KDM4C: variants seen among roughly 807,000 people sequenced by gnomAD.
The protein encoded by KDM4C is lysine demethylase 4C.
In KDM4C, 81 loss-of-function variants were observed where a neutral mutation model predicts 129.3. That is an observed-to-expected ratio of 0.63 (90% CI 0.52 to 0.75). KDM4C has a LOEUF of 0.75. KDM4C is among the 30% of genes least tolerant of loss of function. KDM4C has a pLI of 0.00. For synonymous variants in KDM4C, 573 were observed against 456.1 expected, an observed-to-expected ratio of 1.26 and a Z score of -3.26; for missense variants, 1,457 against 1,304.0, an observed-to-expected ratio of 1.12 and a Z score of -1.81.
intron 8 of KDM4C, among the ~76,000 whole-genome samples, chr9:6,976,027 GA>G (rs1832857050): frequency 6.6e-6 from 1 of 152,172 alleles, no homozygotes; most frequent in Non-Finnish European, 1.5e-5. Context: ...GACAAAGTGA[GA>G]CCTTGTCTCA....
intron 8 of KDM4C, among the ~76,000 whole-genome samples, chr9:6,916,240 G>A (rs907826361): frequency 4.6e-5 from 2 of 43,432 alleles, no homozygotes; most frequent in Non-Finnish European, 9.8e-5. Context: ...AGAGTTATCC[G>A]GACCTTTTTT....
At chr9:7,071,142 A>G (rs1833137304) in intron 17 of KDM4C, among the ~76,000 whole-genome samples, 1 of 152,186 alleles carries the variant, frequency 6.6e-6, no homozygotes, top group South Asian at 2.1e-4. Context: ...AAACTATAAA[A>G]CGCTAATAAA....
rs1464738495 is a variant in KDM4C, at chr9:6,752,251, T to G, written c.49+31254T>G. On this transcript the variant is annotated intron_variant, in intron 1 of 17. Transcript: ENST00000536108. ...GGGAGGCTGAGGCAGGAGAATGGCGTGAACCCGGGAGGCGGAGCTTGCAGT... is the reference window on the plus strand; with the variant it reads ...GGGAGGCTGAGGCAGGAGAATGGCGGGAACCCGGGAGGCGGAGCTTGCAGT... Among the ~76,000 whole-genome samples the G allele has an allele frequency of 3.9e-5, 5 of 127,888 alleles. 1 individual carries two copies. The highest frequency in any genetic ancestry group is 1.5e-4 in the African/African-American group (5 of 32,604). The allele number at this position is 127,888 out of a possible 152,430, so 83.9% of individuals were successfully genotyped here. A position where few individuals can be genotyped will look rare whatever the true frequency, so the allele number is the denominator to read the frequency against.
At chr9:6,833,730 A>G (rs1835332330) in intron 4 of KDM4C, among the ~76,000 whole-genome samples, 1 of 152,230 alleles carries the variant, frequency 6.6e-6, no homozygotes, top group Admixed American at 6.5e-5. Flanking sequence ...TGCAGGTGGC[A>G]GTACTAAAGC....
At chr9:7,103,184 A>G (rs1837297567) in intron 17 of KDM4C, among the ~76,000 whole-genome samples, 2 of 152,160 alleles carry the variant, frequency 1.3e-5, no homozygotes, top group African/African-American at 4.8e-5. Context: ...AACACTTTAC[A>G]TTTCCTTGTC....
chr9:7,027,595 C>G (rs1295203845), intron 15 of KDM4C, among the ~76,000 whole-genome samples: 1 of 152,138 alleles, frequency 6.6e-6, no homozygotes, highest in Non-Finnish European at 1.5e-5. Context: ...TACTTGGCTA[C>G]CAGATACTAT....
At chr9:6,911,135 T>C (rs534174633) in intron 8 of KDM4C, among the ~76,000 whole-genome samples, 1 of 152,216 alleles carries the variant, frequency 6.6e-6, no homozygotes, top group Non-Finnish European at 1.5e-5. Context: ...GATTATTTTT[T>C]TAAAAGGGCT....
At chr9:7,169,244 T>G (rs1844712554) in intron 20 of KDM4C, among the ~76,000 whole-genome samples, 1 of 152,210 alleles carries the variant, frequency 6.6e-6, no homozygotes, top group Admixed American at 6.5e-5. Context: ...TTGTTGTTGC[T>G]TCGCCAGATA....
intron 8 of KDM4C, among the ~76,000 whole-genome samples, chr9:6,905,444 T>C (rs1185017200): frequency 6.6e-6 from 1 of 152,236 alleles, no homozygotes; most frequent in Non-Finnish European, 1.5e-5. Context: ...TACTTAGGTA[T>C]ATGGTCATAA....
At chr9:7,001,249 T>C (rs1015242857) in intron 12 of KDM4C, among the ~76,000 whole-genome samples, 1 of 152,242 alleles carries the variant, frequency 6.6e-6, no homozygotes, top group Non-Finnish European at 1.5e-5. Flanking sequence ...TTGTTTTGTT[T>C]TACAGAGATT....
chr9:6,845,564 A>G (rs112363444), intron 4 of KDM4C, among the ~76,000 whole-genome samples: 1,611 of 152,252 alleles, frequency 0.011, 28 homozygotes, highest in African/African-American at 0.037. Context: ...GGAAGATACT[A>G]TCACTGATTG....
intron 17 of KDM4C, among the ~76,000 whole-genome samples, chr9:7,061,201 G>A (rs1831615134): frequency 6.6e-6 from 1 of 152,172 alleles, no homozygotes; most frequent in African/African-American, 2.4e-5. Flanking sequence ...TACATACAGT[G>A]GTTGGATAGG....
At chr9:6,905,839 G>C (rs1214348778) in intron 8 of KDM4C, among the ~76,000 whole-genome samples, 2 of 152,122 alleles carry the variant, frequency 1.3e-5, no homozygotes, top group Non-Finnish European at 2.9e-5. Context: ...AAAATGTGCT[G>C]AGCACAGATT....
intron 8 of KDM4C, among the ~76,000 whole-genome samples, chr9:6,961,062 A>G (rs1340120409): frequency 6.6e-6 from 1 of 152,234 alleles, no homozygotes; most frequent in African/African-American, 2.4e-5. Flanking sequence ...TCTTAGGCTG[A>G]CACTTAAACA....
intron 7 of KDM4C, among the ~76,000 whole-genome samples, chr9:6,891,703 T>G (rs1482035424): frequency 6.6e-6 from 1 of 152,154 alleles, no homozygotes; most frequent in Non-Finnish European, 1.5e-5. Context: ...TAAAATACTT[T>G]AAAAAACACT....
chr9:6,762,231 A>G (rs1431885684), intron 1 of KDM4C, among the ~76,000 whole-genome samples: 1 of 151,990 alleles, frequency 6.6e-6, no homozygotes, highest in East Asian at 1.9e-4. Flanking sequence ...TATTTCTCCT[A>G]ACACTATCCC....
At chr9:6,759,896 G>A (rs1819050103) in intron 1 of KDM4C, among the ~76,000 whole-genome samples, 1 of 149,422 alleles carries the variant, frequency 6.7e-6, no homozygotes, top group East Asian at 2.0e-4. Context: ...AGCCGAGATG[G>A]CACCACTGCA....
chr9:6,795,747 C>G (rs915534084), intron 2 of KDM4C, among the ~76,000 whole-genome samples: 6 of 151,642 alleles, frequency 4.0e-5, no homozygotes, highest in African/African-American at 1.5e-4. Context: ...TATTGGCTCA[C>G]TGCAGTCTGG....
chr9:6,932,395 A>G (rs958760024), intron 8 of KDM4C, among the ~76,000 whole-genome samples: 3 of 152,220 alleles, frequency 2.0e-5, no homozygotes, highest in African/African-American at 4.8e-5. Flanking sequence ...TCTGTAATCC[A>G]TAAGCTTAGT....
Sources: gnomAD v4.1 joint callset for allele counts (sites outside exome capture counted in the v4.1 genomes callset) on GRCh38, gnomAD v4.1.1 for gene constraint, MANE v1.5 for transcripts, NCBI Gene and HGNC (gene_info 2026-07-23, HGNC 2026-07-21) for gene names.